MMP26: variants seen among roughly 807,000 people sequenced by gnomAD.
The protein encoded by MMP26 is matrix metallopeptidase 26.
A neutral mutation model predicts 31.0 loss-of-function variants in MMP26; 33 were observed. The observed-to-expected ratio is 1.06, with a 90% CI of 0.81 to 1.42. The LOEUF is 1.42. MMP26 is among the 40% of genes most tolerant of loss of function. The pLI is 0.00. For missense variants in MMP26, 347 were observed against 316.1 expected (o/e 1.10, Z -0.74); for synonymous variants, 122 against 114.9 (o/e 1.06, Z -0.40).
At chr11:4,882,548 CT>C (rs776171797) in intron 2 of MMP26, 115 of 1,613,844 alleles carry the variant, frequency 7.1e-5, no homozygotes, top group Admixed American at 1.5e-4. Context: ...ATTGTTTATT[CT>C]TTTCTCCTAT....
intron 2 of MMP26, among the ~76,000 whole-genome samples, chr11:4,824,118 A>T (rs1290378289): frequency 1.3e-5 from 2 of 152,206 alleles, no homozygotes; most frequent in East Asian, 1.9e-4. Flanking sequence ...ATTGTGGGAC[A>T]CTTTGTGGGG....
At chr11:4,818,713 G>A (rs1037622306) in intron 2 of MMP26, among the ~76,000 whole-genome samples, 11 of 152,212 alleles carry the variant, frequency 7.2e-5, no homozygotes, top group African/African-American at 2.6e-4. Flanking sequence ...TTTCTGCTAT[G>A]TGGTATTGTC....
intron 2 of MMP26, among the ~76,000 whole-genome samples, chr11:4,838,844 A>G (rs894794617): frequency 1.3e-5 from 2 of 152,162 alleles, no homozygotes; most frequent in Non-Finnish European, 2.9e-5. Context: ...TTAAAAACAA[A>G]AAAGTCGGAT....
At chr11:4,854,082 A>G (rs1850014021) in intron 2 of MMP26, among the ~76,000 whole-genome samples, 1 of 152,138 alleles carries the variant, frequency 6.6e-6, no homozygotes. Flanking sequence ...CATGATAAAA[A>G]CTCTAAATAA....
At chr11:4,942,766 C>A (rs1372379225) in intron 2 of MMP26, 2 of 152,024 alleles carry the variant, frequency 1.3e-5, no homozygotes, top group Non-Finnish European at 2.9e-5. Context: ...CAGATATGGG[C>A]AAACCCATGG....
At chr11:4,889,439 AT>A (rs1208011859) in intron 2 of MMP26, among the ~76,000 whole-genome samples, 3 of 152,140 alleles carry the variant, frequency 2.0e-5, no homozygotes, top group Non-Finnish European at 4.4e-5. Flanking sequence ...TTTTCTGAAT[AT>A]TTTTTATCCG....
intron 1 of MMP26, chr11:4,723,326 C>T (rs181985429): frequency 3.5e-5 from 34 of 973,210 alleles, no homozygotes; most frequent in Admixed American, 6.8e-5. Flanking sequence ...TGCAGCTCCT[C>T]ATACTTGATC....
At chr11:4,982,034 T>G (rs1326710442) in intron 2 of MMP26, among the ~76,000 whole-genome samples, 1 of 151,660 alleles carries the variant, frequency 6.6e-6, no homozygotes, top group Non-Finnish European at 1.5e-5. Flanking sequence ...TGAAGTTGTT[T>G]TGCAGTTAAC....
intron 2 of MMP26, among the ~76,000 whole-genome samples, chr11:4,927,434 C>G (rs1851287966): frequency 6.6e-6 from 1 of 152,092 alleles, no homozygotes; most frequent in African/African-American, 2.4e-5. Flanking sequence ...TACAAGATCA[C>G]ACAGAATGAC....
At chr11:4,730,092 T>C (rs1848153846) in intron 1 of MMP26, among the ~76,000 whole-genome samples, 1 of 152,160 alleles carries the variant, frequency 6.6e-6, no homozygotes. Context: ...TCACTTTGAC[T>C]GGTGGTTTAC....
chr11:4,968,362 A>G (rs1190464667), intron 2 of MMP26, among the ~76,000 whole-genome samples: 2 of 152,042 alleles, frequency 1.3e-5, no homozygotes, highest in Non-Finnish European at 2.9e-5. Context: ...TTTTCTCTAC[A>G]TGGTGAAAGA....
At chr11:4,931,422 A>G (rs576557044) in intron 2 of MMP26, among the ~76,000 whole-genome samples, 1 of 152,088 alleles carries the variant, frequency 6.6e-6, no homozygotes, top group Non-Finnish European at 1.5e-5. Context: ...GAGAGTAAGC[A>G]GAAGAAGAGG....
rs148844779 is a variant in MMP26, at chr11:4,742,757, G to C, written c.-216-24513G>C. On this transcript the variant is annotated intron_variant, in intron 1 of 7. Coordinates refer to ENST00000380390, the MANE Select transcript of MMP26 (RefSeq NM_021801.5). ...ATATTGCCGATGCTCTTTATTCATT[G>C]GTAAATTGGAGATGATAATAGTTAT... Among the ~76,000 whole-genome samples, 164 of 152,210 alleles carry C rather than the reference G, an allele frequency of 1.1e-3. 1 individual carries two copies. The highest frequency in any genetic ancestry group is 3.8e-3 in the African/African-American group (158 of 41,538).
chr11:4,912,806 G>T (rs1851011129), intron 2 of MMP26: 2 of 151,922 alleles, frequency 1.3e-5, no homozygotes, highest in East Asian at 1.9e-4. Flanking sequence ...AAAAACTATA[G>T]AATGCTAGAG....
intron 1 of MMP26, among the ~76,000 whole-genome samples, chr11:4,753,671 C>A (rs1019782826): frequency 1.3e-5 from 2 of 152,004 alleles, no homozygotes; most frequent in African/African-American, 4.8e-5. Context: ...GAGTTATTAA[C>A]TTAGATACCA....
chr11:4,755,973 G>A (rs1474746224), intron 1 of MMP26, among the ~76,000 whole-genome samples: 3 of 152,022 alleles, frequency 2.0e-5, no homozygotes, highest in Admixed American at 2.0e-4. Flanking sequence ...AAACTATGTA[G>A]CATGTTGCCT....
At chr11:4,721,216 G>T (rs897404207) in intron 1 of MMP26, among the ~76,000 whole-genome samples, 2 of 152,126 alleles carry the variant, frequency 1.3e-5, no homozygotes, top group African/African-American at 4.8e-5. Flanking sequence ...TGCTTGTAAC[G>T]CAAGCTCAAT....
chr11:4,853,242 C>A (rs1008345506), intron 2 of MMP26, among the ~76,000 whole-genome samples: 9 of 152,170 alleles, frequency 5.9e-5, no homozygotes, highest in African/African-American at 1.9e-4. Flanking sequence ...CACACACACA[C>A]ATACAAGGGT....
chr11:4,771,545 A>G (rs1848720485), intron 2 of MMP26, among the ~76,000 whole-genome samples: 1 of 152,218 alleles, frequency 6.6e-6, no homozygotes, highest in Non-Finnish European at 1.5e-5. Context: ...AAATTCCAAG[A>G]ATAATTTTGT....
Sources: gnomAD v4.1 joint callset for allele counts (sites outside exome capture counted in the v4.1 genomes callset) on GRCh38, gnomAD v4.1.1 for gene constraint, MANE v1.5 for transcripts, NCBI Gene and HGNC (gene_info 2026-07-23, HGNC 2026-07-21) for gene names.